ANKRD62: variants seen among roughly 807,000 people sequenced by gnomAD.
The protein encoded by ANKRD62 is ankyrin repeat domain 62, also known as ankyrin repeat domain-containing protein 62.
Under a neutral mutation model 98.8 loss-of-function variants are expected in ANKRD62, and 61 were observed. The ratio of observed to expected loss-of-function variants is 0.62; its 90% CI spans 0.50 to 0.76. ANKRD62 has a LOEUF of 0.76. Among genes scored for constraint, ANKRD62 ranks in the 30% least tolerant of loss-of-function variants. ANKRD62 has a pLI of 0.00. For synonymous variants in ANKRD62, 341 were observed against 367.9 expected (o/e 0.93, Z 0.84); for missense variants, 933 against 1,082.9 (o/e 0.86, Z 1.94).
the ANKRD62 span, among the ~76,000 whole-genome samples, chr18:12,146,225 G>A: frequency 6.6e-6 from 1 of 152,092 alleles, no homozygotes; most frequent in Non-Finnish European, 1.5e-5. Flanking sequence ...CCTCCCAACC[G>A]GGGTCTCCAG....
the ANKRD62 span, among the ~76,000 whole-genome samples, chr18:12,160,027 G>T: frequency 3.3e-5 from 5 of 151,904 alleles, no homozygotes; most frequent in Admixed American, 2.0e-4. Flanking sequence ...GATCTTTCTT[G>T]TGTTTCAAAT....
chr18:12,167,208 C>T, the ANKRD62 span, among the ~76,000 whole-genome samples: 6 of 152,018 alleles, frequency 3.9e-5, no homozygotes, highest in African/African-American at 1.2e-4. Flanking sequence ...CGTATGTATA[C>T]ATGTGCCGTG....
At chr18:12,095,839 T>G (rs116969097) in intron 3 of ANKRD62, among the ~76,000 whole-genome samples, 1,531 of 152,342 alleles carry the variant, frequency 0.01, 14 homozygotes, top group Non-Finnish European at 0.016. Flanking sequence ...ATAAGCTGTG[T>G]CAACATGTAA....
chr18:12,115,562 C>A, intron 10 of ANKRD62, 28 bp downstream of exon 10: 1 of 1,521,350 alleles, frequency 6.6e-7, no homozygotes, highest in South Asian at 1.2e-5. Context: ...ATATAAGGCT[C>A]TTTCCCTATC....
chr18:12,095,520 C>T lies in ANKRD62; in HGVS notation c.417C>T (p.Asn139=). 1 of 1,564,454 alleles carries T rather than the reference C, an allele frequency of 6.4e-7. No individual in the cohort carries two copies. Among genetic ancestry groups the T allele is most frequent in the African/African-American group, 1.3e-5 (1 of 74,344 alleles). The part of the protein sequence containing the change: ...ANPNVRDMYG[N]TALHYAIDNE... ...CAAATGTTAGAGATATGTATGGCAA[C>T]ACTGCTCTGCACTATGCCATTGATA... Residue 139 remains asparagine (N), a synonymous_variant, in exon 3 of 14, where the codon AAC becomes AAT. Transcript: ENST00000587848.
intron 7 of ANKRD62, among the ~76,000 whole-genome samples, chr18:12,103,651 G>A (rs950736189): frequency 1.1e-4 from 16 of 152,002 alleles, no homozygotes; most frequent in African/African-American, 3.9e-4. Flanking sequence ...GATTAAAAAT[G>A]TATTCTCCAT....
chr18:12,122,321 A>G lies in ANKRD62; in HGVS notation c.1259A>G (p.Lys420Arg). ...MECKDFVSLSKSKNATAACGR... is the reference protein window; with the variant it reads ...MECKDFVSLSRSKNATAACGR... The stretch of plus-strand genomic sequence containing the variant: ...GTAACAGATTTTGTTAGCCTATCGA[A>G]AAGCAAGAATGCAACAGCTGCATGT... Residue 420 changes from lysine to arginine, a missense_variant, in exon 11 of 14, where the codon AAA (lysine) becomes AGA (arginine). Around this residue, in one of 3 missense-constraint regions of ANKRD62, gnomAD observed 549 missense variants for 587.9 expected, o/e 0.93. Coordinates refer to ENST00000587848, the MANE Select transcript of ANKRD62 (RefSeq NM_001277333.2). The G allele has an allele frequency of 6.5e-7, 1 of 1,534,596 alleles. No individual in the cohort carries two copies. Among genetic ancestry groups the G allele is most frequent in the Non-Finnish European group, 8.7e-7 (1 of 1,146,468 alleles).
the ANKRD62 span, among the ~76,000 whole-genome samples, chr18:12,157,393 C>T: frequency 6.6e-6 from 1 of 152,058 alleles, no homozygotes; most frequent in Non-Finnish European, 1.5e-5. Context: ...CGCCCCTGGC[C>T]CATGTAAATT....
At chr18:12,169,680 A>G in the ANKRD62 span, among the ~76,000 whole-genome samples, 2 of 151,976 alleles carry the variant, frequency 1.3e-5, no homozygotes, top group African/African-American at 2.4e-5. Flanking sequence ...CTCTTTTTCT[A>G]TTGATAGGGG....
intron 8 of ANKRD62, among the ~76,000 whole-genome samples, chr18:12,110,866 G>C (rs1031474607): frequency 2.0e-5 from 3 of 152,224 alleles, no homozygotes; most frequent in Admixed American, 1.3e-4. Context: ...CTTTCTAGTT[G>C]TTTTAGTTGT....
chr18:12,138,865 C>G, the ANKRD62 span, among the ~76,000 whole-genome samples: 1 of 151,894 alleles, frequency 6.6e-6, no homozygotes, highest in Non-Finnish European at 1.5e-5. Context: ...AGGATTGCAA[C>G]CCCTCCCTTT....
the ANKRD62 span, among the ~76,000 whole-genome samples, chr18:12,167,461 G>GAA: frequency 6.6e-6 from 1 of 152,182 alleles, no homozygotes; most frequent in African/African-American, 2.4e-5. Context: ...CAAAGGACAT[G>GAA]AACTCATCCT....
intron 10 of ANKRD62, among the ~76,000 whole-genome samples, chr18:12,121,118 C>G (rs1415559289): frequency 6.6e-6 from 1 of 152,150 alleles, no homozygotes; most frequent in Non-Finnish European, 1.5e-5. Context: ...TATTTTCCTC[C>G]ACTGTAGTTT....
At chr18:12,168,139 T>A in the ANKRD62 span, among the ~76,000 whole-genome samples, 75 of 152,338 alleles carry the variant, frequency 4.9e-4, no homozygotes, top group East Asian at 0.014. Context: ...TTTAGTTTAA[T>A]TAGATCCCAT....
intron 10 of ANKRD62, 78 bp downstream of exon 10, chr18:12,115,612 T>C: frequency 7.8e-7 from 1 of 1,277,620 alleles, no homozygotes; most frequent in Non-Finnish European, 1.1e-6. Flanking sequence ...CACGGCACCA[T>C]AGAACACTGA....
At chr18:12,125,070 C>T (rs1909858850) in intron 12 of ANKRD62, among the ~76,000 whole-genome samples, 1 of 152,190 alleles carries the variant, frequency 6.6e-6, no homozygotes, top group Admixed American at 6.5e-5. Flanking sequence ...AGAGCTAAGA[C>T]TCTTACTATA....
intron 10 of ANKRD62, among the ~76,000 whole-genome samples, chr18:12,115,846 A>T (rs995585798): frequency 1.3e-5 from 2 of 152,036 alleles, no homozygotes; most frequent in African/African-American, 4.8e-5. Context: ...ATAACCTTAC[A>T]CCTCTTTTCC....
the ANKRD62 span, among the ~76,000 whole-genome samples, chr18:12,138,929 A>G: frequency 2.0e-5 from 3 of 152,048 alleles, no homozygotes; most frequent in East Asian, 1.9e-4. Flanking sequence ...TTTTGAGCCT[A>G]TGTGTGTCTC....
the ANKRD62 span, among the ~76,000 whole-genome samples, chr18:12,168,961 T>A: frequency 6.6e-6 from 1 of 152,206 alleles, no homozygotes; most frequent in Non-Finnish European, 1.5e-5. Context: ...TAAGAATGCC[T>A]GTGATTTTTA....
Sources: gnomAD v4.1 joint callset for allele counts (sites outside exome capture counted in the v4.1 genomes callset) on GRCh38, gnomAD v4.1.1 for gene constraint, gnomAD v4.1.1 regional missense constraint, MANE v1.5 for transcripts, NCBI Gene and HGNC (gene_info 2026-07-23, HGNC 2026-07-21) for gene names.